The following TDP2 variants were observed in gnomAD, a reference collection of about 807,000 sequenced individuals.
TDP2 encodes the protein 5'-Tyr-DNA phosphodiesterase.
In TDP2, 38 loss-of-function variants were observed where a neutral mutation model predicts 42.8. The ratio of observed to expected loss-of-function variants is 0.89; its 90% CI spans 0.68 to 1.16. The LOEUF (loss-of-function observed/expected upper bound fraction) is 1.16, where lower values mean the gene tolerates loss of function less well. Among genes scored for constraint, TDP2 ranks in the 50% most tolerant of loss-of-function variants. TDP2 has a pLI of 0.00. For synonymous variants in TDP2, 173 were observed against 150.6 expected (o/e 1.15, Z -1.09); for missense variants, 439 against 439.3 (o/e 1.00, Z 0.01).
intron 2 of TDP2, among the ~76,000 whole-genome samples, chr6:24,662,160 TC>T (rs1340643113): frequency 6.6e-6 from 1 of 151,334 alleles, no homozygotes; most frequent in Non-Finnish European, 1.5e-5. Flanking sequence ...GTCCAAGGAT[TC>T]CCCCCACTGA....
chr6:24,657,529 T>C (rs1778076516), intron 4 of TDP2, among the ~76,000 whole-genome samples: 1 of 152,230 alleles, frequency 6.6e-6, no homozygotes, highest in South Asian at 2.1e-4. Context: ...TTATTTCAGT[T>C]AAAACTTTTA....
intron 4 of TDP2, among the ~76,000 whole-genome samples, chr6:24,657,072 C>T (rs1778071034): frequency 6.6e-6 from 1 of 152,184 alleles, no homozygotes; most frequent in Admixed American, 6.5e-5. Flanking sequence ...AAGCACTATA[C>T]AGTTGACACT....
chr6:24,651,044 T>C lies in TDP2; in HGVS notation c.833A>G (p.Asn278Ser), dbSNP rs139085454. ...REVTRCGGLP[N>S]NIVDVWEFLG... Reference sequence around the variant, plus strand: ...AAACTCCCAGACATCCACAATGTTGTTGGGTAAACCACCACATCTGGTAAC... The same window carrying C: ...AAACTCCCAGACATCCACAATGTTGCTGGGTAAACCACCACATCTGGTAAC... Residue 278 changes from asparagine (N) to serine (S), a missense_variant, in exon 7 of 7, where the codon AAC (asparagine) becomes AGC (serine). Physicochemically the swap from Asn to Ser is conservative, Grantham distance 46. Transcript: ENST00000378198. The C allele has an allele frequency of 8.1e-6, 13 of 1,613,370 alleles. No individual in the cohort carries two copies. In the African/African-American group the frequency reaches 1.1e-4, roughly 13 times the overall value.
intron 2 of TDP2, among the ~76,000 whole-genome samples, chr6:24,664,952 T>A (rs575832809): frequency 2.6e-5 from 4 of 152,298 alleles, no homozygotes; most frequent in African/African-American, 9.6e-5. Context: ...TGAGGGCCTA[T>A]TACAGGAAAT....
chr6:24,650,675 T>G lies in TDP2; in HGVS notation c.*113A>C. On this transcript the variant is annotated 3_prime_UTR_variant, in exon 7 of 7. Coordinates refer to ENST00000378198, the MANE Select transcript of TDP2 (RefSeq NM_016614.3). ...AAACACAACCATAAATCATAGTTGG[T>G]TTTTCTGTGACAATGATCTAGTACA... 9.4e-7 allele frequency: 1 copy of G among 1,065,910 alleles called. No homozygotes were observed. The highest frequency in any genetic ancestry group is 1.3e-6 in the Non-Finnish European group (1 of 743,262). 66.0% of individuals were successfully genotyped at this position (1,065,910 alleles called of 1,614,324 possible). A position where few individuals can be genotyped will look rare whatever the true frequency, so the allele number is the denominator to read the frequency against.
At chr6:24,652,888 A>C in intron 6 of TDP2, 95 bp downstream of exon 6, 1 of 1,363,188 alleles carries the variant, frequency 7.3e-7, no homozygotes, top group East Asian at 2.3e-5. Flanking sequence ...TGAGTGACTA[A>C]AGGTCCTAGT....
At position 24,666,092 on chromosome 6, in the gene TDP2, T is replaced by TTA. The variant is rs1778228581; in HGVS notation, c.251+433_251+434insTA. On this transcript the variant is annotated intron_variant, in intron 2 of 6. Coordinates refer to ENST00000378198, the MANE Select transcript of TDP2 (RefSeq NM_016614.3). Reference sequence around the variant, plus strand: ...TGAAATAACAGGAGTAGGTGTGCATTAAAAAAAAATAACAACAACAACAAA... The same window carrying TTA: ...TGAAATAACAGGAGTAGGTGTGCATTTAAAAAAAAAATAACAACAACAACAAA... 2.1e-6 allele frequency: 3 copies of TTA among 1,443,456 alleles called. No homozygotes were observed. The African/African-American group carries it at 4.3e-5, about 21-fold the overall frequency. 89.4% of individuals were successfully genotyped at this position (1,443,456 alleles called of 1,614,324 possible).
In TDP2 at chr6:24,651,051, A is replaced by G; in HGVS notation, c.826T>C (p.Leu276=). 2.5e-6 allele frequency: 4 copies of G among 1,613,030 alleles called. No homozygotes were observed. The African/African-American group carries it at 5.3e-5, about 22-fold the overall frequency. The change falls in exon 7 of 7, where the codon TTA becomes CTA. Residue 276 remains leucine, a synonymous_variant. Coordinates refer to ENST00000378198, the MANE Select transcript of TDP2 (RefSeq NM_016614.3). ...RDREVTRCGG[L]PNNIVDVWEF... is the part of the protein sequence containing the mutation. ...CAGACATCCACAATGTTGTTGGGTAAACCACCACATCTGGTAACCTGAAAA... is the reference window on the plus strand; with the variant it reads ...CAGACATCCACAATGTTGTTGGGTAGACCACCACATCTGGTAACCTGAAAA...
At chr6:24,663,840 T>C (rs1324597376) in intron 2 of TDP2, among the ~76,000 whole-genome samples, 1 of 152,204 alleles carries the variant, frequency 6.6e-6, no homozygotes, top group Admixed American at 6.5e-5. Context: ...CAGGTATTTA[T>C]AGCAACACAA....
At chr6:24,664,398 G>A (rs553170105) in intron 2 of TDP2, among the ~76,000 whole-genome samples, 5 of 150,378 alleles carry the variant, frequency 3.3e-5, no homozygotes, top group South Asian at 2.1e-4. Flanking sequence ...TAGAATCTCT[G>A]GTTTTTTTTT....
intron 5 of TDP2, among the ~76,000 whole-genome samples, chr6:24,653,485 G>A (rs1481361649): frequency 6.6e-6 from 1 of 152,094 alleles, no homozygotes; most frequent in Admixed American, 6.5e-5. Flanking sequence ...TAAATTAAAA[G>A]GACAATTATT....
chr6:24,658,479 A>T, intron 3 of TDP2, 82 bp downstream of exon 3: 2 of 1,130,514 alleles, frequency 1.8e-6, no homozygotes, highest in Non-Finnish European at 1.2e-6. Flanking sequence ...ACTTAGGTTT[A>T]ATTCTAAAGC....
In TDP2 at chr6:24,666,829, C is replaced by A; in HGVS notation, c.34G>T (p.Glu12Ter). ...ELGSCLEGGREAAEEEGEPEV... is the reference protein window; with the variant it reads ...ELGSCLEGGR ...GGCTCGCCCTCTTCCTCCGCCGCCTCCCTCCCGCCCTCCAGGCAACTCCCC... is the reference window on the plus strand; with the variant it reads ...GGCTCGCCCTCTTCCTCCGCCGCCTACCTCCCGCCCTCCAGGCAACTCCCC... The change falls in exon 1 of 7, where the codon GAG (glutamate) becomes TAG (stop). Residue 12 changes from glutamate to a stop codon, truncating the protein, a stop_gained. Transcript: ENST00000378198. LOFTEE classifies it high-confidence loss of function. 2 of 1,614,120 alleles carry A rather than the reference C, an allele frequency of 1.2e-6. No homozygotes were observed. Among genetic ancestry groups the A allele is most frequent in the South Asian group, 2.2e-5 (2 of 91,092 alleles).
At position 24,650,584 on chromosome 6, in the gene TDP2, C is replaced by G. The variant is rs985706528; in HGVS notation, c.*204G>C. 89 of 579,244 alleles carry G rather than the reference C, an allele frequency of 1.5e-4. No individual in the cohort carries two copies. Among genetic ancestry groups the G allele is most frequent in the Non-Finnish European group, 2.5e-4 (84 of 337,020 alleles). 35.9% of individuals were successfully genotyped at this position (579,244 alleles called of 1,614,324 possible). A position where few individuals can be genotyped will look rare whatever the true frequency, so the allele number is the denominator to read the frequency against. On this transcript the variant is annotated 3_prime_UTR_variant, in exon 7 of 7. Transcript: ENST00000378198. Reference sequence around the variant, plus strand: ...GCTTTGTGCCCTTTTTATTAAATGGCCTCACATCCTGAATGCAGGAATGTG... The same window carrying G: ...GCTTTGTGCCCTTTTTATTAAATGGGCTCACATCCTGAATGCAGGAATGTG...
At chr6:24,652,958 A>T in intron 6 of TDP2, 25 bp downstream of exon 6, 1 of 1,609,648 alleles carries the variant, frequency 6.2e-7, no homozygotes, top group Non-Finnish European at 8.5e-7. Flanking sequence ...CTGTCCTCAA[A>T]CATCAAACTG....
At chr6:24,662,056 T>C (rs1197111380) in intron 2 of TDP2, among the ~76,000 whole-genome samples, 2 of 152,044 alleles carry the variant, frequency 1.3e-5, no homozygotes, top group African/African-American at 2.4e-5. Flanking sequence ...GTATGCTTGG[T>C]AAAAGTCATC....
intron 2 of TDP2, among the ~76,000 whole-genome samples, chr6:24,660,880 AT>A: frequency 6.6e-6 from 1 of 152,182 alleles, no homozygotes; most frequent in East Asian, 1.9e-4. Flanking sequence ...ATGTTTTCCT[AT>A]TATTTGATTC....
chr6:24,652,040 C>T (rs1777984019), intron 6 of TDP2, among the ~76,000 whole-genome samples: 1 of 152,222 alleles, frequency 6.6e-6, no homozygotes, highest in East Asian at 1.9e-4. Context: ...CTTATACCCC[C>T]AGTCCCTGGC....
chr6:24,656,461 G>A (rs1010113274), intron 4 of TDP2, among the ~76,000 whole-genome samples: 1 of 152,048 alleles, frequency 6.6e-6, no homozygotes, highest in Non-Finnish European at 1.5e-5. Context: ...GGGAATGGTG[G>A]GAGGGAGGGA....
Sources: gnomAD v4.1 joint callset for allele counts (sites outside exome capture counted in the v4.1 genomes callset) on GRCh38, gnomAD v4.1.1 for gene constraint, MANE v1.5 for transcripts, NCBI Gene and HGNC (gene_info 2026-07-23, HGNC 2026-07-21) for gene names.